TENM4: variants seen among roughly 807,000 people sequenced by gnomAD.
The protein encoded by TENM4 is teneurin transmembrane protein 4, also known as teneurin-4.
A neutral mutation model predicts 243.3 loss-of-function variants in TENM4; 82 were observed. The observed-to-expected ratio is 0.34, with a 90% confidence interval of 0.28 to 0.40. The LOEUF is 0.40. TENM4 is among the 10% of genes least tolerant of loss of function. The probability of loss-of-function intolerance (pLI) is 1.00; values close to 1 mark genes in which losing one functional copy is unlikely to be tolerated. For missense variants in TENM4, 3,138 were observed against 3,673.3 expected, an observed-to-expected ratio of 0.85 and a Z score of 3.77; for synonymous variants, 1,412 against 1,456.3, an observed-to-expected ratio of 0.97 and a Z score of 0.69.
chr11:79,322,145 G>T (rs1416633694), intron 1 of TENM4, among the ~76,000 whole-genome samples: 3 of 152,062 alleles, frequency 2.0e-5, no homozygotes, highest in Non-Finnish European at 4.4e-5. Context: ...AGTACTAGCG[G>T]TTCCCTCTGT....
intron 1 of TENM4, among the ~76,000 whole-genome samples, chr11:79,333,747 G>A (rs1023582228): frequency 1.3e-5 from 2 of 152,206 alleles, no homozygotes; most frequent in African/African-American, 4.8e-5. Flanking sequence ...ACGTAGTAAA[G>A]ATTTTATCAA....
intron 28 of TENM4, among the ~76,000 whole-genome samples, chr11:78,697,371 G>A (rs1266477242): frequency 1.3e-5 from 2 of 152,184 alleles, no homozygotes; most frequent in Non-Finnish European, 2.9e-5. Flanking sequence ...CAGAGAAGGA[G>A]TTCAAGGAAA....
At chr11:79,366,308 C>G (rs886305370) in intron 1 of TENM4, among the ~76,000 whole-genome samples, 2 of 152,192 alleles carry the variant, frequency 1.3e-5, no homozygotes, top group African/African-American at 4.8e-5. Context: ...AAGACCCAGG[C>G]TGGTTGGGCT....
chr11:78,906,396 C>T (rs1393362578), intron 6 of TENM4, among the ~76,000 whole-genome samples: 1 of 152,184 alleles, frequency 6.6e-6, no homozygotes, highest in Non-Finnish European at 1.5e-5. Context: ...AAAAGGTCCT[C>T]AGTGAAGACA....
intron 18 of TENM4, among the ~76,000 whole-genome samples, chr11:78,762,699 C>A (rs1856456190): frequency 6.6e-6 from 1 of 152,174 alleles, no homozygotes; most frequent in Non-Finnish European, 1.5e-5. Flanking sequence ...GTAGGGCTTA[C>A]AGCATTCTTT....
chr11:78,828,992 C>G (rs1591054485), intron 12 of TENM4, among the ~76,000 whole-genome samples: 1 of 152,338 alleles, frequency 6.6e-6, no homozygotes, highest in East Asian at 1.9e-4. Context: ...GCCATCTGCT[C>G]TCCACCCAGT....
chr11:79,363,556 G>C (rs1400395748), intron 1 of TENM4, among the ~76,000 whole-genome samples: 3 of 152,186 alleles, frequency 2.0e-5, no homozygotes, highest in Non-Finnish European at 4.4e-5. Context: ...CTGATAAATG[G>C]GGATGAAACA....
At chr11:79,341,733 G>T (rs1352805497) in intron 1 of TENM4, among the ~76,000 whole-genome samples, 1 of 152,156 alleles carries the variant, frequency 6.6e-6, no homozygotes, top group African/African-American at 2.4e-5. Flanking sequence ...TGTAAAAAAT[G>T]GAATGTCTGC....
At chr11:78,778,394 A>G (rs1051196056) in intron 17 of TENM4, among the ~76,000 whole-genome samples, 1 of 152,130 alleles carries the variant, frequency 6.6e-6, no homozygotes, top group African/African-American at 2.4e-5. Context: ...TGTGGGGAGA[A>G]TGACACTCCA....
intron 1 of TENM4, among the ~76,000 whole-genome samples, chr11:79,361,958 A>G (rs753767600): frequency 7.2e-5 from 11 of 152,290 alleles, no homozygotes; most frequent in Admixed American, 1.3e-4. Context: ...CCAGTCTAAA[A>G]ACTAGGCCCT....
intron 6 of TENM4, among the ~76,000 whole-genome samples, chr11:78,955,293 G>A (rs566759922): frequency 1.4e-4 from 22 of 152,302 alleles, no homozygotes; most frequent in Middle Eastern, 6.8e-3. Flanking sequence ...AACGAGCTTC[G>A]GGAATGAGAG....
intron 10 of TENM4, among the ~76,000 whole-genome samples, chr11:78,858,959 G>C (rs1184672855): frequency 6.6e-6 from 1 of 152,110 alleles, no homozygotes; most frequent in Admixed American, 6.5e-5. Flanking sequence ...TGTATATGGA[G>C]GCTCAGAAAG....
chr11:79,432,454 G>C (rs1315880642), intron 1 of TENM4, among the ~76,000 whole-genome samples: 1 of 152,182 alleles, frequency 6.6e-6, no homozygotes, highest in Non-Finnish European at 1.5e-5. Flanking sequence ...TTAGTAAAAA[G>C]CTGGTTTCTC....
At chr11:79,221,602 C>T (rs60922856) in intron 2 of TENM4, among the ~76,000 whole-genome samples, 2,269 of 152,072 alleles carry the variant, frequency 0.015, 54 homozygotes, top group African/African-American at 0.051. Context: ...CAGTGGAAAT[C>T]CCTGTGCGTG....
chr11:78,746,722 G>T (rs1289647999), intron 19 of TENM4, among the ~76,000 whole-genome samples: 1 of 152,210 alleles, frequency 6.6e-6, no homozygotes, highest in East Asian at 1.9e-4. Context: ...ACATGGCTCA[G>T]AAATACCGTC....
chr11:79,063,729 A>G (rs1860161276), intron 6 of TENM4, among the ~76,000 whole-genome samples: 1 of 152,182 alleles, frequency 6.6e-6, no homozygotes, highest in Non-Finnish European at 1.5e-5. Context: ...CCCAAGGGAG[A>G]AAGAGGAAGA....
chr11:79,231,881 A>G (rs1360375476), intron 2 of TENM4, among the ~76,000 whole-genome samples: 5 of 152,160 alleles, frequency 3.3e-5, no homozygotes, highest in African/African-American at 1.2e-4. Context: ...GGAGTTCAAG[A>G]CCAGCCTGGC....
intron 2 of TENM4, among the ~76,000 whole-genome samples, chr11:79,260,111 C>G (rs1259867635): frequency 6.6e-6 from 1 of 152,216 alleles, no homozygotes; most frequent in East Asian, 1.9e-4. Context: ...AGTTGTACAT[C>G]TGTTTCTCAT....
chr11:78,895,448 G>C (rs763551668), intron 7 of TENM4, among the ~76,000 whole-genome samples: 1 of 152,136 alleles, frequency 6.6e-6, no homozygotes, highest in Non-Finnish European at 1.5e-5. Flanking sequence ...GGCCCAGAGA[G>C]ACATGTGCCC....
Sources: allele counts gnomAD v4.1 joint callset (sites outside exome capture counted in the v4.1 genomes callset), GRCh38; gene constraint gnomAD v4.1.1; transcripts MANE v1.5; gene names NCBI Gene and HGNC (gene_info 2026-07-23, HGNC 2026-07-21).